PACSIN1: variants seen among roughly 807,000 people sequenced by gnomAD.
PACSIN1 encodes the protein protein kinase C and casein kinase substrate in neurons protein 1.
In PACSIN1, 15 loss-of-function variants were observed where a neutral mutation model predicts 59.5. That is an observed-to-expected ratio of 0.25 (90% CI 0.17 to 0.39). PACSIN1 has a LOEUF of 0.39. Ranked by LOEUF, PACSIN1 falls within the 10% of genes least tolerant of loss-of-function variation. The pLI is 1.00. For missense variants in PACSIN1, 420 were observed against 580.2 expected (o/e 0.72, Z 2.84); for synonymous variants, 210 against 220.6 (o/e 0.95, Z 0.42).
Position 34,496,941 on chromosome 6 carries a change from C to CTCTTT in PACSIN1, c.-63-29301_-63-29300insCTTTT, listed in dbSNP as rs34462425. 8.3e-4 allele frequency among the ~76,000 whole-genome samples: 84 copies of CTCTTT among 100,842 alleles called. 1 individual carries two copies. The highest frequency in any genetic ancestry group is 3.9e-3 in the Admixed American group (28 of 7,106). The allele number at this position is 100,842 out of a possible 152,430, so 66.2% of individuals were successfully genotyped here. ...GATATGCATCTCTTTCTCTCTCTCT[C>CTCTTT]TTTTTTTTTTTTTTTTTTTTGAGAC... On this transcript the variant is annotated intron_variant, in intron 1 of 9. Transcript: ENST00000244458.
Position 34,485,680 on chromosome 6 carries a change from C to A in PACSIN1, c.-64+19410C>A, listed in dbSNP as rs111722799. ...CTAAGGCCACGGCCCCGATGAGATCCCAGAGGGAGTAGACGTTGAGTGGAG... is the reference window on the plus strand; with the variant it reads ...CTAAGGCCACGGCCCCGATGAGATCACAGAGGGAGTAGACGTTGAGTGGAG... On this transcript the variant is annotated intron_variant, in intron 1 of 9. Transcript: ENST00000244458. Among the ~76,000 whole-genome samples, 1,216 of 152,272 alleles carry A rather than the reference C, an allele frequency of 8.0e-3. 18 individuals carry two copies. The highest frequency in any genetic ancestry group is 0.028 in the African/African-American group (1,146 of 41,538).
In PACSIN1 at chr6:34,532,491, G is replaced by A; in HGVS notation, c.1296G>A (p.Gln432=). 1 of 1,567,134 alleles carries A rather than the reference G, an allele frequency of 6.4e-7. No homozygotes were observed. Among genetic ancestry groups the A allele is most frequent in the Non-Finnish European group, 8.7e-7 (1 of 1,155,490 alleles). ...GWCRGRLDSG[Q]LGLYPANYVE... Reference sequence around the variant, plus strand: ...GCCGTGGGCGGCTGGACAGCGGGCAGCTGGGCCTCTACCCTGCCAACTACG... The same window carrying A: ...GCCGTGGGCGGCTGGACAGCGGGCAACTGGGCCTCTACCCTGCCAACTACG... Residue 432 remains glutamine, a synonymous_variant, in exon 10 of 10, where the codon CAG becomes CAA. Coordinates refer to ENST00000244458, the MANE Select transcript of PACSIN1 (RefSeq NM_020804.5). The surrounding 1 kb of genome is among the most constrained non-coding windows in gnomAD (Gnocchi z 5.2).
rs1248368517 is a variant in PACSIN1 at position 34,516,663 on chromosome 6, C to G, written c.-63-9580C>G. On this transcript the variant is annotated intron_variant, in intron 1 of 9. Transcript: ENST00000244458. The surrounding 1 kb of genome is among the most constrained non-coding windows in gnomAD (Gnocchi z 5.4). ...TCAGCAGGCCCTCCAGGCCTGGCCC[C>G]GACCTCCAGCCCCTGGCCTGCCTCC... Among the ~76,000 whole-genome samples, 4 of 152,144 alleles carry G rather than the reference C, an allele frequency of 2.6e-5. No individual in the cohort carries two copies. The highest frequency in any genetic ancestry group is 4.4e-5 in the Non-Finnish European group (3 of 68,002).
At chr6:34,495,732 C>T (rs148191001) in intron 1 of PACSIN1, among the ~76,000 whole-genome samples, 2,373 of 152,278 alleles carry the variant, frequency 0.016, 62 homozygotes, top group African/African-American at 0.048. Flanking sequence ...GGATTACAGG[C>T]GTGAGCCACC....
intron 1 of PACSIN1, among the ~76,000 whole-genome samples, chr6:34,476,794 T>G (rs775780682): frequency 1.4e-3 from 213 of 151,956 alleles, no homozygotes; most frequent in Admixed American, 3.6e-3. Flanking sequence ...CGGGGGCGGG[T>G]GGCAAATCAC....
intron 1 of PACSIN1, among the ~76,000 whole-genome samples, chr6:34,480,294 G>A (rs372687459): frequency 3.0e-4 from 43 of 144,954 alleles, no homozygotes; most frequent in East Asian, 2.1e-4. Flanking sequence ...GTACCATCAC[G>A]GCTCAGTGTA....
chr6:34,466,953 G>A (rs1434955692), intron 1 of PACSIN1, among the ~76,000 whole-genome samples: 1 of 152,172 alleles, frequency 6.6e-6, no homozygotes, highest in Non-Finnish European at 1.5e-5. Context: ...TCATCAGGGT[G>A]TAGGAGACAT....
chr6:34,528,274 G>C (rs1238173041), intron 3 of PACSIN1, among the ~76,000 whole-genome samples: 1 of 152,232 alleles, frequency 6.6e-6, no homozygotes, highest in African/African-American at 2.4e-5. Flanking sequence ...CATTCCTGGA[G>C]CACCTACTGT....
At position 34,531,726 on chromosome 6, in the gene PACSIN1, G is replaced by A. The variant is rs370926854; in HGVS notation, c.1164G>A (p.Val388=). ...CCTTTGAGGACGACTCCAAGGGAGT[G>A]CGCGTGCGGGCACTCTACGACTATG... The part of the protein sequence containing the change: ...ANPFEDDSKG[V]RVRALYDYDG... The change falls in exon 9 of 10, where the codon GTG becomes GTA. Residue 388 remains valine, a synonymous_variant. Coordinates refer to ENST00000244458, the MANE Select transcript of PACSIN1 (RefSeq NM_020804.5). The surrounding 1 kb of genome is among the most constrained non-coding windows in gnomAD (Gnocchi z 4.4). 4.9e-5 allele frequency: 78 copies of A among 1,606,736 alleles called. No individual in the cohort carries two copies. The highest frequency in any genetic ancestry group is 6.3e-5 in the Non-Finnish European group (74 of 1,176,178).
chr6:34,494,983 T>C (rs1766927589), intron 1 of PACSIN1, among the ~76,000 whole-genome samples: 1 of 152,182 alleles, frequency 6.6e-6, no homozygotes, highest in African/African-American at 2.4e-5. Context: ...GTATTTACCA[T>C]TCAAGTCATT....
rs1464566968 is a variant in PACSIN1, at chr6:34,514,613, T to C, written c.-63-11630T>C. On this transcript the variant is annotated intron_variant, in intron 1 of 9. Transcript: ENST00000244458. This position sits in a 1 kb window ranked among gnomAD's most constrained non-coding sequence, Gnocchi z 4.4. ...GGGAAGAAAGGGGATGGAGCAGGGC[T>C]TCCCAGTCGAGGGCGGCGGCCGAGC... Among the ~76,000 whole-genome samples the C allele has an allele frequency of 6.6e-6, 1 of 152,050 alleles. No homozygotes were observed. Among genetic ancestry groups the C allele is most frequent in the African/African-American group, 2.4e-5 (1 of 41,418 alleles).
rs1482176789 is a variant in PACSIN1 at position 34,532,357 on chromosome 6, C to T, written c.1226-64C>T. The T allele has an allele frequency of 2.7e-6, 3 of 1,105,210 alleles. No individual in the cohort carries two copies. Among genetic ancestry groups the T allele is most frequent in the Non-Finnish European group, 4.0e-6 (3 of 744,494 alleles). 68.5% of individuals were successfully genotyped at this position (1,105,210 alleles called of 1,614,324 possible). On this transcript the variant is annotated intron_variant, in intron 9 of 9. Transcript: ENST00000244458. The surrounding 1 kb of genome is among the most constrained non-coding windows in gnomAD (Gnocchi z 5.2). ...GGTGGGTATTGGAGGGTTCCCCTAG[C>T]AGCCGGTGCGTTGAGGGAGGGGCAG...
In PACSIN1 at chr6:34,524,667, G is replaced by A. The variant is rs545517851; in HGVS notation, c.-63-1576G>A. Reference sequence around the variant, plus strand: ...ATTTGGGCTGTTTCCAGCCTTTTGCGTTTACAAGTAGTACTGTAGTAAATA... The same window carrying A: ...ATTTGGGCTGTTTCCAGCCTTTTGCATTTACAAGTAGTACTGTAGTAAATA... On this transcript the variant is annotated intron_variant, in intron 1 of 9. Coordinates refer to ENST00000244458, the MANE Select transcript of PACSIN1 (RefSeq NM_020804.5). Among the ~76,000 whole-genome samples, 47 of 152,340 alleles carry A rather than the reference G, an allele frequency of 3.1e-4. No homozygotes were observed. The South Asian group carries it at 8.5e-3, about 28-fold the overall frequency.
At chr6:34,497,015 C>G (rs967885202) in intron 1 of PACSIN1, among the ~76,000 whole-genome samples, 2 of 129,372 alleles carry the variant, frequency 1.5e-5, no homozygotes, top group Non-Finnish European at 3.1e-5. Context: ...ATGGTGCAAT[C>G]TCGGCTCACT....
rs759714183 is a variant in PACSIN1, at chr6:34,488,110, C to A, written c.-64+21840C>A. 6.6e-6 allele frequency among the ~76,000 whole-genome samples: 1 copy of A among 152,186 alleles called. No individual in the cohort carries two copies. The highest frequency in any genetic ancestry group is 2.4e-5 in the African/African-American group (1 of 41,434). ...ATGACCCTGACCTTGGCCAGCACCTCTGTTGGTCTGGGTGGCTTCCCTTTT... is the reference window on the plus strand; with the variant it reads ...ATGACCCTGACCTTGGCCAGCACCTATGTTGGTCTGGGTGGCTTCCCTTTT... On this transcript the variant is annotated intron_variant, in intron 1 of 9. Coordinates refer to ENST00000244458, the MANE Select transcript of PACSIN1 (RefSeq NM_020804.5). The surrounding 1 kb of genome is among the most constrained non-coding windows in gnomAD (Gnocchi z 4.7).
chr6:34,479,448 C>A (rs1043694348), intron 1 of PACSIN1, among the ~76,000 whole-genome samples: 23 of 151,976 alleles, frequency 1.5e-4, no homozygotes, highest in African/African-American at 5.1e-4. Context: ...ATTTTTCTTT[C>A]TTTCTTTCTT....
intron 1 of PACSIN1, among the ~76,000 whole-genome samples, chr6:34,473,335 G>A (rs941995293): frequency 1.3e-5 from 2 of 152,166 alleles, no homozygotes; most frequent in South Asian, 2.1e-4. Context: ...ATAGGAACAC[G>A]AGAGAGGACA....
intron 1 of PACSIN1, among the ~76,000 whole-genome samples, chr6:34,472,088 T>G (rs969549746): frequency 6.6e-6 from 1 of 151,956 alleles, no homozygotes; most frequent in Non-Finnish European, 1.5e-5. Context: ...CTGGCCAATA[T>G]GGTGAAACCC....
At chr6:34,473,780 G>T (rs1389078664) in intron 1 of PACSIN1, among the ~76,000 whole-genome samples, 1 of 152,224 alleles carries the variant, frequency 6.6e-6, no homozygotes, top group Middle Eastern at 3.2e-3. Context: ...TTATATAACA[G>T]TCATATACTC....
Sources: allele counts gnomAD v4.1 joint callset (sites outside exome capture counted in the v4.1 genomes callset), GRCh38; gene constraint gnomAD v4.1.1; non-coding constraint Gnocchi (gnomAD v3.1); transcripts MANE v1.5; gene names NCBI Gene and HGNC (gene_info 2026-07-23, HGNC 2026-07-21).